The following CCL28 variants were observed in gnomAD, a reference collection of about 807,000 sequenced individuals.
CCL28 encodes the protein C-C motif chemokine 28.
CCL28 carries 4 observed loss-of-function variants against 7.1 expected under a neutral mutation model. That is an observed-to-expected ratio of 0.56 (90% CI 0.28 to 1.29). CCL28 has a LOEUF of 1.29. CCL28 is among the 50% of genes most tolerant of loss of function. The pLI is 0.11. For missense variants in CCL28, 151 were observed against 163.4 expected, an observed-to-expected ratio of 0.92 and a Z score of 0.41; for synonymous variants, 55 against 57.8, an observed-to-expected ratio of 0.95 and a Z score of 0.22.
intron 1 of CCL28, among the ~76,000 whole-genome samples, chr5:43,406,028 C>T (rs1265846486): frequency 1.3e-5 from 2 of 152,050 alleles, no homozygotes; most frequent in East Asian, 1.9e-4. Flanking sequence ...CAAAAAAAGT[C>T]CAGGACCAGA....
intron 1 of CCL28, among the ~76,000 whole-genome samples, chr5:43,411,330 T>G (rs1367182855): frequency 6.6e-6 from 1 of 152,208 alleles, no homozygotes; most frequent in African/African-American, 2.4e-5. Flanking sequence ...GTACTGACAC[T>G]TAGGGTTTCC....
intron 1 of CCL28, chr5:43,397,222 G>C (rs1740848377): frequency 6.6e-6 from 1 of 152,312 alleles, no homozygotes; most frequent in Non-Finnish European, 1.5e-5. Context: ...GGACCCGGGG[G>C]AGCCGGCTGG....
chr5:43,405,407 A>G (rs1741233728), intron 1 of CCL28, among the ~76,000 whole-genome samples: 1 of 152,266 alleles, frequency 6.6e-6, no homozygotes, highest in Non-Finnish European at 1.5e-5. Flanking sequence ...CTGGGTACAT[A>G]ACAAAATGAA....
chr5:43,408,639 A>T (rs1479925338), intron 1 of CCL28, among the ~76,000 whole-genome samples: 1 of 150,488 alleles, frequency 6.6e-6, no homozygotes, highest in African/African-American at 2.4e-5. Flanking sequence ...TAAGTATAAT[A>T]AAAAAAAATT....
At chr5:43,382,075 A>T (rs764380094) in intron 2 of CCL28, 23 bp from the exon 3 acceptor site, 12 of 1,595,172 alleles carry the variant, frequency 7.5e-6, no homozygotes, top group African/African-American at 5.4e-5. Flanking sequence ...GAAGCAAAAG[A>T]AAGTCACTGA....
chr5:43,358,044 T>C, the CCL28 span, among the ~76,000 whole-genome samples: 2 of 152,186 alleles, frequency 1.3e-5, no homozygotes, highest in African/African-American at 4.8e-5. Flanking sequence ...TCTGTTCTAT[T>C]AGTGACAGCC....
intron 1 of CCL28, among the ~76,000 whole-genome samples, chr5:43,411,161 T>C (rs1561171283): frequency 1.3e-5 from 2 of 152,218 alleles, no homozygotes; most frequent in Admixed American, 1.3e-4. Flanking sequence ...TGTATGAGTA[T>C]GTACATGAGA....
the CCL28 span, among the ~76,000 whole-genome samples, chr5:43,369,891 T>TG: frequency 1.3e-5 from 2 of 152,202 alleles, no homozygotes; most frequent in Admixed American, 6.5e-5. Flanking sequence ...TTTGTACTTT[T>TG]GGGAACCCTG....
At chr5:43,385,346 T>A (rs1740297402) in intron 2 of CCL28, among the ~76,000 whole-genome samples, 1 of 152,240 alleles carries the variant, frequency 6.6e-6, no homozygotes, top group South Asian at 2.1e-4. Flanking sequence ...ATAGGACCTA[T>A]TTCTAGGCAG....
chr5:43,376,096 A>G (rs1739883291), downstream of CCL28, among the ~76,000 whole-genome samples: 1 of 152,216 alleles, frequency 6.6e-6, no homozygotes, highest in Non-Finnish European at 1.5e-5. Context: ...CCCTATCTTA[A>G]GGTCAACTGA....
At chr5:43,411,174 G>C (rs1351048474) in intron 1 of CCL28, among the ~76,000 whole-genome samples, 1 of 152,168 alleles carries the variant, frequency 6.6e-6, no homozygotes, top group African/African-American at 2.4e-5. Flanking sequence ...ACATGAGAAA[G>C]CTTTCAGTTT....
the CCL28 span, among the ~76,000 whole-genome samples, chr5:43,367,001 GTGTT>G: frequency 1.3e-5 from 2 of 151,262 alleles, no homozygotes; most frequent in African/African-American, 4.8e-5. Flanking sequence ...TGTTTACACT[GTGTT>G]TGTGTTTACA....
chr5:43,361,963 T>G, the CCL28 span, among the ~76,000 whole-genome samples: 1 of 152,210 alleles, frequency 6.6e-6, no homozygotes, highest in Non-Finnish European at 1.5e-5. Flanking sequence ...TGCTTAGGAT[T>G]GCCTTGGCTA....
chr5:43,401,780 C>G (rs1741048728), intron 1 of CCL28, among the ~76,000 whole-genome samples: 1 of 152,212 alleles, frequency 6.6e-6, no homozygotes, highest in South Asian at 2.1e-4. Flanking sequence ...TATTTTCCCT[C>G]AGTTTCAAAC....
chr5:43,366,476 C>T, the CCL28 span, among the ~76,000 whole-genome samples: 1 of 152,188 alleles, frequency 6.6e-6, no homozygotes, highest in Non-Finnish European at 1.5e-5. Context: ...ACCCTGTTTG[C>T]CTAGGTATCA....
At chr5:43,408,538 A>G (rs1034843858) in intron 1 of CCL28, among the ~76,000 whole-genome samples, 2 of 152,158 alleles carry the variant, frequency 1.3e-5, no homozygotes, top group Non-Finnish European at 2.9e-5. Context: ...TACTTATTGT[A>G]AATGATGAGT....
chr5:43,360,260 T>C, the CCL28 span, among the ~76,000 whole-genome samples: 34 of 152,334 alleles, frequency 2.2e-4, no homozygotes, highest in African/African-American at 7.5e-4. Context: ...ATAATATTAA[T>C]ATTCATTTTT....
At chr5:43,362,433 A>G in the CCL28 span, among the ~76,000 whole-genome samples, 3 of 151,994 alleles carry the variant, frequency 2.0e-5, no homozygotes, top group East Asian at 5.8e-4. Flanking sequence ...CATCTGCAAA[A>G]CTTTTCTACC....
chr5:43,382,893 A>G (rs186896040), intron 2 of CCL28, among the ~76,000 whole-genome samples: 15 of 151,918 alleles, frequency 9.9e-5, no homozygotes, highest in African/African-American at 3.4e-4. Context: ...ATCTCGGCTC[A>G]CTGCAACTTC....
Sources: allele counts gnomAD v4.1 joint callset (sites outside exome capture counted in the v4.1 genomes callset), GRCh38; gene constraint gnomAD v4.1.1; transcripts MANE v1.5; gene names NCBI Gene and HGNC (gene_info 2026-07-23, HGNC 2026-07-21).